UPB1: variants seen among roughly 807,000 people sequenced by gnomAD.
UPB1 encodes the protein beta-ureidopropionase 1, also known as beta-ureidopropionase.
Under a neutral mutation model 49.1 loss-of-function variants are expected in UPB1, and 40 were observed. The ratio of observed to expected loss-of-function variants is 0.81; its 90% CI spans 0.63 to 1.06. The LOEUF is 1.06. Among genes scored for constraint, UPB1 ranks in the 50% least tolerant of loss-of-function variants. The pLI is 0.00. For synonymous variants in UPB1, 207 were observed against 198.2 expected, an observed-to-expected ratio of 1.04 and a Z score of -0.38; for missense variants, 499 against 505.9, an observed-to-expected ratio of 0.99 and a Z score of 0.13.
chr22:24,525,477 C>G (rs2044467738), intron 9 of UPB1, among the ~76,000 whole-genome samples: 1 of 152,204 alleles, frequency 6.6e-6, no homozygotes, highest in Admixed American at 6.5e-5. Flanking sequence ...ACCACACTTT[C>G]TGGATAGACA....
At chr22:24,502,523 T>C in intron 3 of UPB1, 1 of 780,020 alleles carries the variant, frequency 1.3e-6, no homozygotes, top group Non-Finnish European at 2.4e-6. Flanking sequence ...TGGTCTCCTG[T>C]GCCCTCCTGA....
intron 3 of UPB1, among the ~76,000 whole-genome samples, chr22:24,505,083 G>C (rs1459248740): frequency 6.6e-6 from 1 of 151,902 alleles, no homozygotes; most frequent in Non-Finnish European, 1.5e-5. Flanking sequence ...GATTTGATCT[G>C]ATTTGTCAGT....
intron 4 of UPB1, among the ~76,000 whole-genome samples, chr22:24,512,548 A>G (rs1369288720): frequency 1.3e-5 from 2 of 152,316 alleles, no homozygotes; most frequent in East Asian, 3.9e-4. Flanking sequence ...CAAGTGGTAA[A>G]ATATACATAT....
At chr22:24,519,153 C>T (rs962169462) in intron 6 of UPB1, among the ~76,000 whole-genome samples, 5 of 152,136 alleles carry the variant, frequency 3.3e-5, no homozygotes, top group Non-Finnish European at 5.9e-5. Flanking sequence ...GTTTTGTCAG[C>T]TTGGCTTAGC....
chr22:24,514,334 C>T lies in UPB1; in HGVS notation c.621+849C>T, dbSNP rs145552023. On this transcript the variant is annotated intron_variant, in intron 5 of 9. Transcript: ENST00000326010. ...ACAGCTGGAGGTGGGGGTGGGAAGA[C>T]GCGCCCCTCACCTGTTTACCCTGGG... is the stretch of plus-strand genomic sequence containing the variant. Among the ~76,000 whole-genome samples, 641 of 152,200 alleles carry T rather than the reference C, an allele frequency of 4.2e-3. 5 individuals carry two copies. Among genetic ancestry groups the T allele is most frequent in the African/African-American group, 0.015 (612 of 41,494 alleles).
rs1239807412 is a variant in UPB1 at position 24,495,407 on chromosome 22, G to T, written c.4G>T (p.Ala2Ser). The T allele has an allele frequency of 1.9e-6, 3 of 1,613,130 alleles. No homozygotes were observed. In the East Asian group the frequency reaches 6.7e-5, roughly 36 times the overall value. ...CAAGCACTGGCGGACCGTGGCCATG[G>T]CGGGCGCTGAGTGGAAGTCGCTGGA... M[A>S]GAEWKSLEEC... The change falls in exon 1 of 10, where the codon GCG (alanine) becomes TCG (serine). Residue 2 changes from alanine (A) to serine (S), a missense_variant. By Grantham distance (99) the Ala-to-Ser change is moderately conservative. Transcript: ENST00000326010.
intron 3 of UPB1, chr22:24,502,535 C>T (rs2044012908): frequency 1.3e-6 from 1 of 779,640 alleles, no homozygotes; most frequent in South Asian, 1.3e-5. Context: ...CCCTCCTGAC[C>T]AGGACTTCTT....
intron 6 of UPB1, among the ~76,000 whole-genome samples, chr22:24,519,084 TATTTA>T (rs2044344147): frequency 6.6e-6 from 1 of 152,238 alleles, no homozygotes; most frequent in Admixed American, 6.5e-5. Flanking sequence ...TGCAAGTGTC[TATTTA>T]ATTCCTGAAA....
rs1006688653 is a variant in UPB1 at position 24,528,049 on chromosome 22, G to C, written c.*2255G>C. On this transcript the variant is annotated 3_prime_UTR_variant, in exon 10 of 10. Coordinates refer to ENST00000326010, the MANE Select transcript of UPB1 (RefSeq NM_016327.3). Reference sequence around the variant, plus strand: ...GAGGAGAATCACTTGAACCCGGGAGGCGGAGGTTGCAGTGAGCCGAGATCA... The same window carrying C: ...GAGGAGAATCACTTGAACCCGGGAGCCGGAGGTTGCAGTGAGCCGAGATCA... The C allele has an allele frequency of 6.6e-6, 1 of 152,032 alleles. No homozygotes were observed. The highest frequency in any genetic ancestry group is 1.5e-5 in the Non-Finnish European group (1 of 68,082). 9.4% of individuals were successfully genotyped at this position (152,032 alleles called of 1,614,324 possible).
At position 24,526,050 on chromosome 22, in the gene UPB1, A is replaced by G; in HGVS notation, c.*256A>G. On this transcript the variant is annotated 3_prime_UTR_variant, in exon 10 of 10. Transcript: ENST00000326010. The stretch of plus-strand genomic sequence containing the variant: ...ATGCCACTGAATTTGTATACTTCAG[A>G]ATGTTTGTTATGTAAATTTTACCTC... 1 of 504,826 alleles carries G rather than the reference A, an allele frequency of 2.0e-6. No individual in the cohort carries two copies. Among genetic ancestry groups the G allele is most frequent in the Non-Finnish European group, 3.6e-6 (1 of 277,620 alleles). 31.3% of individuals were successfully genotyped at this position (504,826 alleles called of 1,614,324 possible).
intron 5 of UPB1, 52 bp downstream of exon 5, chr22:24,513,537 T>C (rs1246098489): frequency 1.3e-6 from 2 of 1,587,322 alleles, no homozygotes; most frequent in East Asian, 2.3e-5. Flanking sequence ...CCCCTCTGTA[T>C]GTTGTAGATC....
At chr22:24,523,886 C>A in intron 9 of UPB1, 113 bp downstream of exon 9, 1 of 1,495,014 alleles carries the variant, frequency 6.7e-7, no homozygotes, top group Non-Finnish European at 9.2e-7. Flanking sequence ...CAGCTCCCAC[C>A]TGAGGGCTCT....
chr22:24,503,241 A>G (rs911062090), intron 3 of UPB1: 7 of 152,224 alleles, frequency 4.6e-5, no homozygotes, highest in Admixed American at 6.5e-5. Context: ...CAAACAGTCT[A>G]TCAGTTTCAT....
At chr22:24,500,348 G>A (rs2043971966) in intron 2 of UPB1, 70 bp downstream of exon 2, 2 of 1,600,222 alleles carry the variant, frequency 1.2e-6, no homozygotes, top group African/African-American at 1.3e-5. Context: ...ACACCTGCAG[G>A]CCCTGGCTGG....
intron 1 of UPB1, among the ~76,000 whole-genome samples, chr22:24,499,535 C>A (rs2043952012): frequency 6.6e-6 from 1 of 152,170 alleles, no homozygotes; most frequent in Non-Finnish European, 1.5e-5. Context: ...CCCCTCCAAG[C>A]CCACCCAACA....
At chr22:24,502,436 G>A (rs373444527) in intron 3 of UPB1, 71 of 782,730 alleles carry the variant, frequency 9.1e-5, no homozygotes, top group African/African-American at 3.9e-4. Context: ...GAATCCATTC[G>A]CTCCTCTCCA....
In UPB1 at chr22:24,526,952, A is replaced by C. The variant is rs964983058; in HGVS notation, c.*1158A>C. On this transcript the variant is annotated 3_prime_UTR_variant, in exon 10 of 10. Transcript: ENST00000326010. The stretch of plus-strand genomic sequence containing the variant: ...AATTTGTTGCACTAAATCCTTTTAT[A>C]TCTCTATCCATCACCTACTAATTCT... 3.9e-5 allele frequency: 6 copies of C among 152,206 alleles called. No homozygotes were observed. Among genetic ancestry groups the C allele is most frequent in the Non-Finnish European group, 7.3e-5 (5 of 68,038 alleles). The allele number at this position is 152,206 out of a possible 1,614,324, so 9.4% of individuals were successfully genotyped here. A position where few individuals can be genotyped will look rare whatever the true frequency, so the allele number is the denominator to read the frequency against.
At chr22:24,511,608 A>G (rs1295900299) in intron 4 of UPB1, among the ~76,000 whole-genome samples, 3 of 86,642 alleles carry the variant, frequency 3.5e-5, no homozygotes, top group Non-Finnish European at 7.4e-5. Context: ...TTATATATAT[A>G]TATATATATA....
chr22:24,523,045 C>G (rs915637325), intron 8 of UPB1, among the ~76,000 whole-genome samples: 1 of 152,016 alleles, frequency 6.6e-6, no homozygotes, highest in Non-Finnish European at 1.5e-5. Context: ...ATTTCAGGTC[C>G]CCCGACTTCT....
Sources: gnomAD v4.1 joint callset for allele counts (sites outside exome capture counted in the v4.1 genomes callset) on GRCh38, gnomAD v4.1.1 for gene constraint, MANE v1.5 for transcripts, NCBI Gene and HGNC (gene_info 2026-07-23, HGNC 2026-07-21) for gene names.